Variants in NFATC3 observed in about 807,000 individuals in gnomAD.
NFATC3 encodes the protein nuclear factor of activated T cells 3.
A neutral mutation model predicts 98.6 loss-of-function variants in NFATC3; 46 were observed. The ratio of observed to expected loss-of-function variants is 0.47; its 90% CI spans 0.37 to 0.60. NFATC3 has a LOEUF of 0.60. Ranked by LOEUF, NFATC3 falls within the 20% of genes least tolerant of loss-of-function variation. NFATC3 has a pLI of 0.00. For missense variants in NFATC3, 1,256 were observed against 1,295.5 expected, an observed-to-expected ratio of 0.97 and a Z score of 0.47; for synonymous variants, 512 against 472.2, an observed-to-expected ratio of 1.08 and a Z score of -1.09.
chr16:68,184,494 T>C (rs768951420), intron 8 of NFATC3, among the ~76,000 whole-genome samples: 29 of 152,106 alleles, frequency 1.9e-4, no homozygotes, highest in Non-Finnish European at 3.8e-4. Flanking sequence ...TGGACAATCA[T>C]GGAGAATGTT....
intron 1 of NFATC3, among the ~76,000 whole-genome samples, chr16:68,110,229 T>C (rs1455690866): frequency 6.6e-6 from 1 of 152,058 alleles, no homozygotes; most frequent in Non-Finnish European, 1.5e-5. Context: ...GGTCTTGAGC[T>C]CCTGACCTCA....
chr16:68,144,717 A>G (rs562334052), intron 3 of NFATC3, among the ~76,000 whole-genome samples: 1 of 151,610 alleles, frequency 6.6e-6, no homozygotes, highest in East Asian at 2.0e-4. Flanking sequence ...GAGTGCAGAG[A>G]CTCCATCTCA....
chr16:68,155,638 C>G (rs1411037481), intron 3 of NFATC3, among the ~76,000 whole-genome samples: 1 of 152,146 alleles, frequency 6.6e-6, no homozygotes, highest in Non-Finnish European at 1.5e-5. Flanking sequence ...GAGAGACATT[C>G]CACCCGCCAG....
intron 1 of NFATC3, chr16:68,089,277 A>T (rs780443100): frequency 1.1e-4 from 104 of 985,268 alleles, no homozygotes; most frequent in Admixed American, 3.7e-4. Flanking sequence ...TTAAAGTGCT[A>T]ATTAGATGAT....
chr16:68,123,244 TA>T (rs1158108883), intron 2 of NFATC3, 123 bp downstream of exon 2: 13 of 1,022,046 alleles, frequency 1.3e-5, no homozygotes, highest in Middle Eastern at 4.9e-4. Flanking sequence ...TTCCTATTTT[TA>T]AAAAAAATTT....
intron 3 of NFATC3, among the ~76,000 whole-genome samples, chr16:68,142,763 GA>G (rs1002787690): frequency 1.6e-4 from 23 of 143,936 alleles, no homozygotes; most frequent in East Asian, 2.0e-4. Context: ...CTCCAGAAAA[GA>G]AAAAAAAAAA....
At chr16:68,148,510 T>G (rs2038153494) in intron 3 of NFATC3, among the ~76,000 whole-genome samples, 1 of 152,104 alleles carries the variant, frequency 6.6e-6, no homozygotes, top group East Asian at 1.9e-4. Context: ...ATGTAATAAA[T>G]TGAACAGGTT....
chr16:68,163,392 C>A (rs571746591), intron 4 of NFATC3, among the ~76,000 whole-genome samples: 1 of 148,290 alleles, frequency 6.7e-6, no homozygotes, highest in East Asian at 2.0e-4. Context: ...CCCTCCCGGA[C>A]GGGGCGGCTG....
intron 6 of NFATC3, among the ~76,000 whole-genome samples, chr16:68,175,871 A>C (rs758747917): frequency 6.6e-6 from 1 of 152,150 alleles, no homozygotes; most frequent in Non-Finnish European, 1.5e-5. Context: ...TTATAAGAAT[A>C]ATATAATATA....
rs1567559173 is a variant in NFATC3, at chr16:68,226,333, C to G, written c.3107-17C>G. 3 of 1,570,292 alleles carry G rather than the reference C, an allele frequency of 1.9e-6. No individual in the cohort carries two copies. The highest frequency in any genetic ancestry group is 2.6e-6 in the Non-Finnish European group (3 of 1,163,022). Reference sequence around the variant, plus strand: ...ACTCAGAGGTCACTAATCACTCTCCCTTTTCTTGTTTTTCAGTGAACGAGA... The same window carrying G: ...ACTCAGAGGTCACTAATCACTCTCCGTTTTCTTGTTTTTCAGTGAACGAGA... On this transcript the variant is annotated splice_polypyrimidine_tract_variant and intron_variant, in intron 9 of 9. Coordinates refer to ENST00000346183, the MANE Select transcript of NFATC3 (RefSeq NM_173165.3).
chr16:68,186,948 C>T (rs1369111775), intron 8 of NFATC3, among the ~76,000 whole-genome samples: 6 of 152,264 alleles, frequency 3.9e-5, no homozygotes, highest in African/African-American at 1.4e-4. Context: ...CCGAAAACCC[C>T]TGTGGCTAGT....
intron 1 of NFATC3, among the ~76,000 whole-genome samples, chr16:68,090,479 G>A (rs749776783): frequency 1.8e-4 from 28 of 152,112 alleles, no homozygotes; most frequent in Non-Finnish European, 3.7e-4. Context: ...AGAGATTAGG[G>A]CAGATGAGAG....
chr16:68,169,807 G>A (rs2039374526), intron 5 of NFATC3, among the ~76,000 whole-genome samples: 1 of 151,984 alleles, frequency 6.6e-6, no homozygotes, highest in Non-Finnish European at 1.5e-5. Flanking sequence ...TGGGCATGGT[G>A]GCACGTGCCT....
rs1359770281 is a variant in NFATC3, at chr16:68,101,725, C to T, written c.103+15941C>T. Among the ~76,000 whole-genome samples the T allele has an allele frequency of 3.9e-5, 6 of 152,088 alleles. No homozygotes were observed. In the South Asian group the frequency reaches 8.3e-4, roughly 21 times the overall value. ...GTCTTGATCCCCTGACCTCATGATC[C>T]GCCCGCCTCTGCCTCCCAAAGTGCT... On this transcript the variant is annotated intron_variant, in intron 1 of 9. Coordinates refer to ENST00000346183, the MANE Select transcript of NFATC3 (RefSeq NM_173165.3).
At chr16:68,201,989 A>C (rs1479827853) in intron 9 of NFATC3, among the ~76,000 whole-genome samples, 1 of 147,256 alleles carries the variant, frequency 6.8e-6, no homozygotes, top group African/African-American at 2.5e-5. Context: ...AAAAAAGATT[A>C]TAGTATTGTG....
chr16:68,158,572 G>A (rs183277970), intron 4 of NFATC3, among the ~76,000 whole-genome samples: 2 of 152,102 alleles, frequency 1.3e-5, no homozygotes, highest in Non-Finnish European at 2.9e-5. Context: ...ACAGTTAGGG[G>A]TTTAGTGTTT....
chr16:68,108,108 G>C (rs2035760128), intron 1 of NFATC3, among the ~76,000 whole-genome samples: 1 of 151,892 alleles, frequency 6.6e-6, no homozygotes, highest in Admixed American at 6.6e-5. Context: ...TGCTTTTGTT[G>C]GCAATTGCTT....
intron 8 of NFATC3, among the ~76,000 whole-genome samples, chr16:68,184,219 C>T (rs1567538303): frequency 6.6e-6 from 1 of 151,642 alleles, no homozygotes. Context: ...AATATACAGA[C>T]AGAACATCAG....
chr16:68,215,255 A>G (rs2041587522), intron 9 of NFATC3, among the ~76,000 whole-genome samples: 1 of 152,170 alleles, frequency 6.6e-6, no homozygotes. Context: ...AACTGGGCCT[A>G]CCCTGGTCTC....
Sources: allele counts gnomAD v4.1 joint callset (sites outside exome capture counted in the v4.1 genomes callset), GRCh38; gene constraint gnomAD v4.1.1; transcripts MANE v1.5; gene names NCBI Gene and HGNC (gene_info 2026-07-23, HGNC 2026-07-21).